Variants in CAB39L observed in about 807,000 individuals in gnomAD.
CAB39L encodes the protein calcium binding protein 39 like.
CAB39L carries 23 observed loss-of-function variants against 39.1 expected under a neutral mutation model. The ratio of observed to expected loss-of-function variants is 0.59; its 90% CI spans 0.42 to 0.83. CAB39L has a LOEUF of 0.83. Among genes scored for constraint, CAB39L ranks in the 40% least tolerant of loss-of-function variants. The probability of loss-of-function intolerance (pLI) is 0.00; values close to 1 mark genes in which losing one functional copy is unlikely to be tolerated. For synonymous variants in CAB39L, 126 were observed against 137.2 expected, an observed-to-expected ratio of 0.92 and a Z score of 0.57; for missense variants, 366 against 391.9, an observed-to-expected ratio of 0.93 and a Z score of 0.56.
rs77008999 is a variant in CAB39L at position 49,411,935 on chromosome 13, T to C, written c.-32+21383A>G. Among the ~76,000 whole-genome samples, 488 of 152,300 alleles carry C rather than the reference T, an allele frequency of 3.2e-3. 7 individuals are homozygous for C. Among genetic ancestry groups the C allele is most frequent in the South Asian group, 0.032 (152 of 4,824 alleles). On this transcript the variant is annotated intron_variant, in intron 3 of 10. Transcript: ENST00000409308. The stretch of plus-strand genomic sequence containing the variant: ...GAGAAGGCATTAAGTGAAAATGCTA[T>C]GTAAACTGCATGACTGTTGCAAGCA...
intron 9 of CAB39L, among the ~76,000 whole-genome samples, 200 bp from the exon 10 acceptor site, chr13:49,332,290 G>C (rs930072601): frequency 3.9e-5 from 6 of 152,346 alleles, no homozygotes; most frequent in African/African-American, 1.4e-4. Flanking sequence ...CTGCTTTGCT[G>C]ATGTCAGTGC....
At chr13:49,392,565 C>T (rs1219199064) in intron 3 of CAB39L, among the ~76,000 whole-genome samples, 3 of 151,944 alleles carry the variant, frequency 2.0e-5, no homozygotes, top group East Asian at 1.9e-4. Flanking sequence ...CACTGGAATC[C>T]GGGAGGCAGA....
At chr13:49,352,606 T>G (rs1955387004) in intron 6 of CAB39L, among the ~76,000 whole-genome samples, 1 of 151,794 alleles carries the variant, frequency 6.6e-6, no homozygotes, top group African/African-American at 2.4e-5. Context: ...AATAAAAAAT[T>G]TAGCTGAGAC....
chr13:49,418,017 C>T (rs1034315990), intron 3 of CAB39L, among the ~76,000 whole-genome samples: 3 of 152,042 alleles, frequency 2.0e-5, no homozygotes, highest in African/African-American at 7.2e-5. Context: ...TTAAACACAG[C>T]CACCGTATGA....
rs780766494 is a variant in CAB39L at position 49,377,118 on chromosome 13, ACTT to A, written c.122_124del (p.Glu41del). On this transcript the variant is annotated inframe_deletion, in exon 5 of 11. Coordinates refer to ENST00000409308, the MANE Select transcript of CAB39L (RefSeq NM_001079670.3). Reference sequence around the variant, plus strand: ...TTTCATTGCTTGCAGTGATTTAGACACTTCTTCTGAAGCCTAGTGACCAAAACG... The same window carrying A: ...TTTCATTGCTTGCAGTGATTTAGACACTTCTGAAGCCTAGTGACCAAAACG... 2.5e-6 allele frequency: 4 copies of A among 1,613,098 alleles called. No homozygotes were observed. The Admixed American group carries it at 5.0e-5, about 20-fold the overall frequency.
chr13:49,390,160 T>A (rs1956456732), intron 3 of CAB39L, among the ~76,000 whole-genome samples: 1 of 152,162 alleles, frequency 6.6e-6, no homozygotes. Context: ...GTGTTGGGGT[T>A]ACAGGTGTGA....
At chr13:49,386,286 C>T (rs904089209) in intron 3 of CAB39L, among the ~76,000 whole-genome samples, 13 of 152,158 alleles carry the variant, frequency 8.5e-5, no homozygotes, top group African/African-American at 3.1e-4. Flanking sequence ...CCATGTCAAT[C>T]TGGTGATAAG....
chr13:49,321,436 G>C (rs1954335792), intron 10 of CAB39L, among the ~76,000 whole-genome samples: 1 of 152,168 alleles, frequency 6.6e-6, no homozygotes, highest in Non-Finnish European at 1.5e-5. Flanking sequence ...TATACGAATT[G>C]TATTCTTTTA....
At chr13:49,316,817 A>G (rs750790558) in intron 10 of CAB39L, among the ~76,000 whole-genome samples, 1 of 152,218 alleles carries the variant, frequency 6.6e-6, no homozygotes, top group Non-Finnish European at 1.5e-5. Context: ...TCAAGATAAG[A>G]TGAGGTCAAT....
chr13:49,312,391 G>C (rs1042252734), intron 10 of CAB39L, among the ~76,000 whole-genome samples: 1 of 152,272 alleles, frequency 6.6e-6, no homozygotes, highest in East Asian at 1.9e-4. Flanking sequence ...CCCTATACAG[G>C]TGTACCATTT....
At chr13:49,393,624 T>A (rs1004960950) in intron 3 of CAB39L, among the ~76,000 whole-genome samples, 1 of 151,944 alleles carries the variant, frequency 6.6e-6, no homozygotes, top group Non-Finnish European at 1.5e-5. Context: ...CATTTCTTTT[T>A]TCTGAAATAA....
At chr13:49,333,181 T>A (rs1051745227) in intron 9 of CAB39L, among the ~76,000 whole-genome samples, 4 of 152,182 alleles carry the variant, frequency 2.6e-5, no homozygotes, top group African/African-American at 9.6e-5. Flanking sequence ...GAAAAAAGGA[T>A]GACCCCTGTT....
chr13:49,438,294 G>A (rs986947899), intron 1 of CAB39L, among the ~76,000 whole-genome samples: 6 of 151,886 alleles, frequency 4.0e-5, no homozygotes, highest in South Asian at 2.1e-4. Context: ...ATTTTTTTGC[G>A]GGTTATATTA....
intron 7 of CAB39L, among the ~76,000 whole-genome samples, chr13:49,348,565 C>T (rs1476239295): frequency 6.6e-6 from 1 of 152,132 alleles, no homozygotes; most frequent in Non-Finnish European, 1.5e-5. Flanking sequence ...GAGACCTTGT[C>T]TCAAAAAGTG....
Position 49,382,879 on chromosome 13 carries a change from T to TG in CAB39L, c.31dup (p.His11ProfsTer34). 1.2e-6 allele frequency: 2 copies of TG among 1,611,862 alleles called. No homozygotes were observed. The highest frequency in any genetic ancestry group is 1.7e-6 in the Non-Finnish European group (2 of 1,178,874). On this transcript the variant is annotated frameshift_variant, in exon 4 of 11. Transcript: ENST00000409308. LOFTEE classifies it high-confidence loss of function. ...TTTCACAATTTCTGCTGGATTTTTG[T>TG]GTGATTTACTAAACAAAGGCATTTT... is the stretch of plus-strand genomic sequence containing the variant.
chr13:49,365,820 A>C lies in CAB39L; in HGVS notation c.277-5988T>G, dbSNP rs191495166. Among the ~76,000 whole-genome samples, 336 of 150,868 alleles carry C rather than the reference A, an allele frequency of 2.2e-3. 2 individuals are homozygous for C. Among genetic ancestry groups the C allele is most frequent in the African/African-American group, 7.8e-3 (321 of 40,984 alleles). Reference sequence around the variant, plus strand: ...GTATATGCCCAAAAGAAAGGAAATCAGTATATCAAAGAGATATCTACACTC... The same window carrying C: ...GTATATGCCCAAAAGAAAGGAAATCCGTATATCAAAGAGATATCTACACTC... On this transcript the variant is annotated intron_variant, in intron 5 of 10. Transcript: ENST00000409308.
At chr13:49,405,749 G>GGAAGGAAGGAAGGAA (rs1566122271) in intron 3 of CAB39L, among the ~76,000 whole-genome samples, 4 of 144,970 alleles carry the variant, frequency 2.8e-5, no homozygotes, top group African/African-American at 5.0e-5. Flanking sequence ...AAGGAAGGAA[G>GGAAGGAAGGAAGGAA]GGAGGGAGGG....
intron 7 of CAB39L, among the ~76,000 whole-genome samples, chr13:49,345,441 C>G (rs545726175): frequency 4.7e-4 from 72 of 152,128 alleles, no homozygotes; most frequent in Non-Finnish European, 9.4e-4. Context: ...TTTTTCCCCC[C>G]CAGTGGAGCA....
rs190958694 is a variant in CAB39L at position 49,381,240 on chromosome 13, A to T, written c.111+1560T>A. Among the ~76,000 whole-genome samples, 4 of 152,294 alleles carry T rather than the reference A, an allele frequency of 2.6e-5. No homozygotes were observed. The East Asian group carries it at 7.7e-4, about 29-fold the overall frequency. ...ACTGCGCCTGGCTGACACTACTTTTAAAAAGTAATTTTTCATATCCTTAAT... is the reference window on the plus strand; with the variant it reads ...ACTGCGCCTGGCTGACACTACTTTTTAAAAGTAATTTTTCATATCCTTAAT... On this transcript the variant is annotated intron_variant, in intron 4 of 10. Transcript: ENST00000409308.
Sources: gnomAD v4.1 joint callset for allele counts (sites outside exome capture counted in the v4.1 genomes callset) on GRCh38, gnomAD v4.1.1 for gene constraint, MANE v1.5 for transcripts, NCBI Gene and HGNC (gene_info 2026-07-23, HGNC 2026-07-21) for gene names.